Variants in ATP6V1C1 observed in about 807,000 individuals in gnomAD.
The protein encoded by ATP6V1C1 is V-type proton ATPase subunit C 1.
Under a neutral mutation model 53.9 loss-of-function variants are expected in ATP6V1C1, and 45 were observed. The observed-to-expected ratio is 0.83, with a 90% CI of 0.66 to 1.07. The LOEUF is 1.07. Ranked by LOEUF, ATP6V1C1 falls within the 50% of genes least tolerant of loss-of-function variation. The probability of loss-of-function intolerance (pLI) is 0.00; values close to 1 mark genes in which losing one functional copy is unlikely to be tolerated. For synonymous variants in ATP6V1C1, 153 were observed against 155.2 expected (o/e 0.99, Z 0.11); for missense variants, 315 against 440.3 (o/e 0.72, Z 2.55).
chr8:103,059,011 T>C (rs1817345554), intron 8 of ATP6V1C1, among the ~76,000 whole-genome samples: 1 of 152,044 alleles, frequency 6.6e-6, no homozygotes, highest in South Asian at 2.1e-4. Context: ...TGCTTTTGCT[T>C]GTTAAAATAG....
chr8:103,067,170 G>C (rs184458487), intron 12 of ATP6V1C1, among the ~76,000 whole-genome samples: 2 of 151,778 alleles, frequency 1.3e-5, no homozygotes, highest in South Asian at 4.2e-4. Context: ...AGGCCGAGGC[G>C]GGGGGATCAC....
intron 8 of ATP6V1C1, among the ~76,000 whole-genome samples, chr8:103,059,827 C>T (rs1435831241): frequency 5.3e-5 from 8 of 151,554 alleles, no homozygotes; most frequent in South Asian, 2.1e-4. Context: ...GTTGCTTTCC[C>T]GTCTAAAACC....
At chr8:103,054,820 C>G (rs1407957877) in intron 7 of ATP6V1C1, among the ~76,000 whole-genome samples, 1 of 151,954 alleles carries the variant, frequency 6.6e-6, no homozygotes, top group Non-Finnish European at 1.5e-5. Context: ...AGATTTGGGT[C>G]TTTTTCAGAG....
chr8:103,063,868 T>G (rs1377074031), intron 10 of ATP6V1C1, among the ~76,000 whole-genome samples: 1 of 152,148 alleles, frequency 6.6e-6, no homozygotes. Context: ...AAGAGGAAAT[T>G]AAGGGAAATA....
Position 103,040,917 on chromosome 8 carries a change from A to G in ATP6V1C1, c.81A>G (p.Ser27=), listed in dbSNP as rs1563603589. 1 of 1,614,174 alleles carries G rather than the reference A, an allele frequency of 6.2e-7. No individual in the cohort carries two copies. The part of the protein sequence containing the change: ...QTWEKLHAAT[S]KNNNLAVTSK... ...GGGAGAAATTGCATGCGGCAACTTCAAAGAACAATAATCTTGCTGTCACTT... is the reference window on the plus strand; with the variant it reads ...GGGAGAAATTGCATGCGGCAACTTCGAAGAACAATAATCTTGCTGTCACTT... Residue 27 remains serine, a synonymous_variant, in exon 2 of 13, where the codon TCA becomes TCG. Transcript: ENST00000518738.
rs138453457 is a variant in ATP6V1C1, at chr8:103,061,521, G to A, written c.642-1434G>A. On this transcript the variant is annotated intron_variant, in intron 8 of 12. Coordinates refer to ENST00000518738, the MANE Select transcript of ATP6V1C1 (RefSeq NM_001695.5). The stretch of plus-strand genomic sequence containing the variant: ...AAATTTCCTTTTTCTGATTTCAGAA[G>A]TACCACATTGTAAAACTGAACATTA... Among the ~76,000 whole-genome samples, 1,017 of 152,172 alleles carry A rather than the reference G, an allele frequency of 6.7e-3. 10 individuals carry two copies. Among genetic ancestry groups the A allele is most frequent in the Non-Finnish European group, 8.7e-3 (593 of 68,018 alleles).
Position 103,071,314 on chromosome 8 carries a change from C to T in ATP6V1C1, c.*2567C>T, listed in dbSNP as rs1237874666. 1.3e-5 allele frequency: 2 copies of T among 152,306 alleles called. No individual in the cohort carries two copies. Among genetic ancestry groups the T allele is most frequent in the African/African-American group, 4.8e-5 (2 of 41,568 alleles). The allele number at this position is 152,306 out of a possible 1,614,324, so 9.4% of individuals were successfully genotyped here. ...GGATCATTCACATCCACATCATCCT[C>T]CCGGCCCCTCCCCGTGTTGTTCATG... On this transcript the variant is annotated 3_prime_UTR_variant, in exon 13 of 13. Transcript: ENST00000518738.
At position 103,048,973 on chromosome 8, in the gene ATP6V1C1, A is replaced by T. The variant is rs747700427; in HGVS notation, c.286+18A>T. 4 of 1,593,692 alleles carry T rather than the reference A, an allele frequency of 2.5e-6. No individual in the cohort carries two copies. The highest frequency in any genetic ancestry group is 3.4e-6 in the Non-Finnish European group (4 of 1,162,938). On this transcript the variant is annotated intron_variant, in intron 4 of 12. Transcript: ENST00000518738. Reference sequence around the variant, plus strand: ...TAATGGAGGTAAGCTAATGCTCATGATTGATCATTATTAACTCATACAAAG... The same window carrying T: ...TAATGGAGGTAAGCTAATGCTCATGTTTGATCATTATTAACTCATACAAAG...
At chr8:103,039,326 T>C (rs1816952978) in intron 1 of ATP6V1C1, among the ~76,000 whole-genome samples, 2 of 152,210 alleles carry the variant, frequency 1.3e-5, no homozygotes, top group Admixed American at 1.3e-4. Context: ...GGTATTGTAG[T>C]GAGAAGGTAG....
chr8:103,035,126 C>T (rs1816868916), intron 1 of ATP6V1C1, among the ~76,000 whole-genome samples: 1 of 151,952 alleles, frequency 6.6e-6, no homozygotes, highest in African/African-American at 2.4e-5. Flanking sequence ...TTTATCAAAC[C>T]CTCTTTTTTA....
chr8:103,061,463 T>A (rs963100833), intron 8 of ATP6V1C1, among the ~76,000 whole-genome samples: 1 of 152,214 alleles, frequency 6.6e-6, no homozygotes, highest in East Asian at 1.9e-4. Flanking sequence ...TAATATAGTA[T>A]CTTTAAATTC....
intron 1 of ATP6V1C1, among the ~76,000 whole-genome samples, chr8:103,028,470 G>A (rs1263720396): frequency 6.6e-6 from 1 of 152,148 alleles, no homozygotes; most frequent in Non-Finnish European, 1.5e-5. Context: ...GCCATTTCTT[G>A]TAACATTAAA....
In ATP6V1C1 at chr8:103,021,139, G is replaced by A. The variant is rs190278495; in HGVS notation, c.-126G>A. ...GAGGCCGGAGCTTAGGTCGGGAAGG[G>A]ATGGATCGCTGAGCCGATAGCGTCC... On this transcript the variant is annotated 5_prime_UTR_variant, in exon 1 of 13. Transcript: ENST00000518738. 6.5e-6 allele frequency: 1 copy of A among 153,046 alleles called. No individual in the cohort carries two copies. Among genetic ancestry groups the A allele is most frequent in the East Asian group, 1.9e-4 (1 of 5,180 alleles). The allele number at this position is 153,046 out of a possible 1,614,324, so 9.5% of individuals were successfully genotyped here. A position where few individuals can be genotyped will look rare whatever the true frequency, so the allele number is the denominator to read the frequency against.
intron 2 of ATP6V1C1, among the ~76,000 whole-genome samples, chr8:103,041,437 A>C (rs1229470245): frequency 2.0e-5 from 3 of 152,222 alleles, no homozygotes; most frequent in African/African-American, 7.2e-5. Context: ...TCAGTCATCT[A>C]GCAGCCTCAA....
chr8:103,041,778 A>G (rs1051986565), intron 2 of ATP6V1C1, among the ~76,000 whole-genome samples: 17 of 152,184 alleles, frequency 1.1e-4, no homozygotes, highest in South Asian at 4.1e-4. Context: ...AGGCTGAGGC[A>G]AGAGAATCGC....
At chr8:103,040,484 A>G (rs1816979146) in intron 1 of ATP6V1C1, among the ~76,000 whole-genome samples, 1 of 152,144 alleles carries the variant, frequency 6.6e-6, no homozygotes, top group Admixed American at 6.6e-5. Flanking sequence ...GAAGGAAACT[A>G]TTGGTGGCTG....
At chr8:103,048,323 T>A (rs902463224) in intron 3 of ATP6V1C1, among the ~76,000 whole-genome samples, 1 of 152,224 alleles carries the variant, frequency 6.6e-6, no homozygotes, top group Non-Finnish European at 1.5e-5. Context: ...GTTTTGGCAT[T>A]ATGGCTTCCT....
chr8:103,027,469 T>A (rs1209452279), intron 1 of ATP6V1C1, among the ~76,000 whole-genome samples: 6 of 152,198 alleles, frequency 3.9e-5, no homozygotes, highest in African/African-American at 1.4e-4. Context: ...CCAGCAGATG[T>A]CTTGTTCAGG....
intron 8 of ATP6V1C1, among the ~76,000 whole-genome samples, chr8:103,059,394 C>A (rs1817352125): frequency 6.6e-6 from 1 of 152,102 alleles, no homozygotes; most frequent in African/African-American, 2.4e-5. Flanking sequence ...GACACTATCA[C>A]CCCAATCTCA....
Sources: gnomAD v4.1 joint callset for allele counts (sites outside exome capture counted in the v4.1 genomes callset) on GRCh38, gnomAD v4.1.1 for gene constraint, MANE v1.5 for transcripts, NCBI Gene and HGNC (gene_info 2026-07-23, HGNC 2026-07-21) for gene names.